Variants in FBXL17 observed in about 807,000 individuals in gnomAD.
The protein encoded by FBXL17 is F-box/LRR-repeat protein 17.
FBXL17 carries 22 observed loss-of-function variants against 66.2 expected under a neutral mutation model. That is an observed-to-expected ratio of 0.33 (90% CI 0.24 to 0.47). The LOEUF (loss-of-function observed/expected upper bound fraction) is 0.47, where lower values mean the gene tolerates loss of function less well. Among genes scored for constraint, FBXL17 ranks in the 20% least tolerant of loss-of-function variants. FBXL17 has a pLI of 1.00. For missense variants in FBXL17, 878 were observed against 948.2 expected (o/e 0.93, Z 0.97); for synonymous variants, 474 against 400.5 (o/e 1.18, Z -2.19).
intron 1 of FBXL17, among the ~76,000 whole-genome samples, chr5:108,375,644 AAACTT>A (rs757358962): frequency 3.9e-5 from 6 of 152,190 alleles, no homozygotes; most frequent in Non-Finnish European, 8.8e-5. Context: ...AAAAAACAAA[AAACTT>A]ACAACAAAGA....
intron 6 of FBXL17, among the ~76,000 whole-genome samples, chr5:108,087,658 C>T (rs557673083): frequency 7.9e-5 from 12 of 152,154 alleles, no homozygotes; most frequent in African/African-American, 2.2e-4. Flanking sequence ...ACATCTCTGT[C>T]CTTTTTCATA....
At chr5:107,927,924 T>A (rs193022280) in intron 7 of FBXL17, among the ~76,000 whole-genome samples, 4 of 152,138 alleles carry the variant, frequency 2.6e-5, no homozygotes, top group Admixed American at 2.6e-4. Flanking sequence ...ATAACTGACC[T>A]CCTCTGGCAT....
At chr5:107,880,253 GA>G (rs943545917) in intron 8 of FBXL17, 2 of 495,816 alleles carry the variant, frequency 4.0e-6, no homozygotes, top group South Asian at 8.7e-5. Context: ...TGTTGGGGGA[GA>G]GGGGGATAGA....
chr5:108,356,319 T>C (rs1018681097), intron 3 of FBXL17, among the ~76,000 whole-genome samples: 2 of 152,144 alleles, frequency 1.3e-5, no homozygotes, highest in Admixed American at 6.6e-5. Context: ...CCAGCAATCA[T>C]GTACCTTGGT....
chr5:107,951,588 T>C (rs774524274), intron 7 of FBXL17, among the ~76,000 whole-genome samples: 3 of 152,176 alleles, frequency 2.0e-5, no homozygotes, highest in African/African-American at 2.4e-5. Context: ...GCACTGAGCA[T>C]GGTGCCCTGA....
At chr5:108,366,042 T>G (rs958315201) in intron 2 of FBXL17, among the ~76,000 whole-genome samples, 2 of 152,150 alleles carry the variant, frequency 1.3e-5, no homozygotes, top group African/African-American at 4.8e-5. Flanking sequence ...AATTCACTTT[T>G]ACACTTGATA....
intron 4 of FBXL17, among the ~76,000 whole-genome samples, chr5:108,275,449 A>G (rs1273861742): frequency 1.3e-5 from 2 of 152,208 alleles, no homozygotes; most frequent in East Asian, 3.9e-4. Flanking sequence ...CTTACCCTGA[A>G]TATGTTTCCA....
intron 3 of FBXL17, among the ~76,000 whole-genome samples, chr5:108,350,274 G>A (rs1747560439): frequency 6.6e-6 from 1 of 152,162 alleles, no homozygotes; most frequent in South Asian, 2.1e-4. Context: ...TGCACAGCCT[G>A]ACCTTGCCCT....
chr5:107,919,501 G>A (rs141959624), intron 7 of FBXL17, among the ~76,000 whole-genome samples: 60 of 152,214 alleles, frequency 3.9e-4, no homozygotes, highest in African/African-American at 1.4e-3. Context: ...CTCACTGAGG[G>A]TAAGGCCATA....
At chr5:108,367,975 A>G in intron 1 of FBXL17, 22 bp from the exon 2 acceptor site, 2 of 1,545,610 alleles carry the variant, frequency 1.3e-6, no homozygotes, top group Non-Finnish European at 8.7e-7. Context: ...AAACGGTACC[A>G]TATAATATGT....
rs1029164834 is a variant in FBXL17 at position 107,859,690 on chromosome 5, T to G, written c.*2030A>C. ...TAACACTCCAAAGGTTATTACAACT[T>G]TGAACTGAAATGGTACCATCTATAT... On this transcript the variant is annotated 3_prime_UTR_variant, in exon 9 of 9. Transcript: ENST00000542267. The G allele has an allele frequency of 6.6e-6, 1 of 152,032 alleles. No individual in the cohort carries two copies. Among genetic ancestry groups the G allele is most frequent in the Non-Finnish European group, 1.5e-5 (1 of 67,996 alleles). The allele number at this position is 152,032 out of a possible 1,614,324, so 9.4% of individuals were successfully genotyped here.
At chr5:107,899,701 C>T (rs543199322) in intron 7 of FBXL17, among the ~76,000 whole-genome samples, 80 of 152,212 alleles carry the variant, frequency 5.3e-4, no homozygotes, top group African/African-American at 1.7e-3. Flanking sequence ...TTATTCCATA[C>T]GAATGAATGG....
At chr5:108,275,735 TC>T (rs1326974891) in intron 4 of FBXL17, among the ~76,000 whole-genome samples, 1 of 152,154 alleles carries the variant, frequency 6.6e-6, no homozygotes, top group Non-Finnish European at 1.5e-5. Flanking sequence ...GACTAAATCT[TC>T]CACTAAGCAA....
intron 3 of FBXL17, among the ~76,000 whole-genome samples, chr5:108,353,948 C>A (rs1299007982): frequency 6.6e-6 from 1 of 152,142 alleles, no homozygotes; most frequent in Non-Finnish European, 1.5e-5. Context: ...ATGTTTGGGA[C>A]CAGAAGCGTT....
chr5:108,263,683 T>C (rs1030902678), intron 4 of FBXL17, among the ~76,000 whole-genome samples: 5 of 152,152 alleles, frequency 3.3e-5, no homozygotes, highest in African/African-American at 1.2e-4. Flanking sequence ...AGCATTAATG[T>C]TCATTATTTC....
chr5:108,230,752 A>G (rs1401707446), intron 4 of FBXL17, among the ~76,000 whole-genome samples: 1 of 148,988 alleles, frequency 6.7e-6, no homozygotes, highest in African/African-American at 2.5e-5. Context: ...AGCAAAATCT[A>G]AAGGCATAAG....
intron 5 of FBXL17, among the ~76,000 whole-genome samples, chr5:108,205,822 C>A (rs115423020): frequency 1.3e-5 from 2 of 152,062 alleles, no homozygotes; most frequent in African/African-American, 4.8e-5. Context: ...TTCTGCCTCC[C>A]GGTCCCGGGT....
rs908711816 is a variant in FBXL17, at chr5:108,382,039, G to A, written c.-348C>T. 3 of 987,830 alleles carry A rather than the reference G, an allele frequency of 3.0e-6. No homozygotes were observed. In the African/African-American group the frequency reaches 5.1e-5, roughly 17 times the overall value. 61.2% of individuals were successfully genotyped at this position (987,830 alleles called of 1,614,324 possible). A position where few individuals can be genotyped will look rare whatever the true frequency, so the allele number is the denominator to read the frequency against. On this transcript the variant is annotated 5_prime_UTR_variant, in exon 1 of 9. Transcript: ENST00000542267. ...TCAGCGGAGCGGCCGGGGAAAGGCC[G>A]GGTCCCGCTCGGACCATTTTAACTG...
intron 6 of FBXL17, among the ~76,000 whole-genome samples, chr5:108,043,586 T>C (rs1257983958): frequency 1.3e-5 from 2 of 152,224 alleles, no homozygotes; most frequent in African/African-American, 2.4e-5. Context: ...TTAATCTGTA[T>C]GTCTAGTGCT....
Sources: allele counts gnomAD v4.1 joint callset (sites outside exome capture counted in the v4.1 genomes callset), GRCh38; gene constraint gnomAD v4.1.1; transcripts MANE v1.5; gene names NCBI Gene and HGNC (gene_info 2026-07-23, HGNC 2026-07-21).